Variants in LRIG1 observed in about 807,000 individuals in gnomAD.
LRIG1 encodes leucine rich repeats and immunoglobulin like domains 1.
In LRIG1, 48 loss-of-function variants were observed where a neutral mutation model predicts 99.2. The observed-to-expected ratio is 0.48, with a 90% confidence interval of 0.38 to 0.62. The LOEUF is 0.62. Ranked by LOEUF, LRIG1 falls within the 20% of genes least tolerant of loss-of-function variation. The pLI is 0.00. For missense variants in LRIG1, 1,646 were observed against 1,434.4 expected, an observed-to-expected ratio of 1.15 and a Z score of -2.38; for synonymous variants, 772 against 596.1, an observed-to-expected ratio of 1.29 and a Z score of -4.30.
chr3:66,395,884 G>A (rs577505825), intron 11 of LRIG1, among the ~76,000 whole-genome samples: 24 of 152,366 alleles, frequency 1.6e-4, no homozygotes, highest in African/African-American at 3.6e-4. Context: ...GGGCACTTCC[G>A]TGCAGTCAGG....
chr3:66,440,679 G>A (rs1486522105), intron 3 of LRIG1, among the ~76,000 whole-genome samples: 1 of 152,150 alleles, frequency 6.6e-6, no homozygotes, highest in African/African-American at 2.4e-5. Flanking sequence ...CCCCAAAGGT[G>A]CTCAGTACAA....
intron 8 of LRIG1, chr3:66,406,019 A>G (rs1178091356): frequency 1.0e-6 from 1 of 988,716 alleles, no homozygotes; most frequent in Non-Finnish European, 1.2e-6. Flanking sequence ...GCCCTCTCCA[A>G]CTTTCCACAA....
chr3:66,500,399 C>T lies in LRIG1; in HGVS notation c.9G>A (p.Arg3=). The change falls in exon 1 of 19, where the codon CGG becomes CGA. Residue 3 remains arginine (R), a synonymous_variant. Coordinates refer to ENST00000273261, the MANE Select transcript of LRIG1 (RefSeq NM_015541.3). ...GGGCCCCGAGCCCTCCCCGGACCGG[C>T]CGCGCCATCTTGTCTGGAGCGCGCT... MA[R]PVRGGLGAPR... is the part of the protein sequence containing the mutation. 2 of 1,421,460 alleles carry T rather than the reference C, an allele frequency of 1.4e-6. No homozygotes were observed. The highest frequency in any genetic ancestry group is 9.1e-7 in the Non-Finnish European group (1 of 1,095,646). 88.1% of individuals were successfully genotyped at this position (1,421,460 alleles called of 1,614,324 possible).
chr3:66,481,868 T>C (rs557381234), intron 1 of LRIG1, among the ~76,000 whole-genome samples: 2 of 152,380 alleles, frequency 1.3e-5, no homozygotes, highest in South Asian at 2.1e-4. Flanking sequence ...CATGTTTACT[T>C]TGCTGAAAGC....
At chr3:66,382,189 G>A in intron 16 of LRIG1, 84 bp downstream of exon 16, 5 of 1,526,990 alleles carry the variant, frequency 3.3e-6, no homozygotes, top group South Asian at 1.1e-5. Flanking sequence ...CCAGGTACCT[G>A]CCCTGTAAAG....
chr3:66,434,446 TAA>T (rs1301329417), intron 3 of LRIG1, among the ~76,000 whole-genome samples: 2 of 152,150 alleles, frequency 1.3e-5, no homozygotes, highest in African/African-American at 4.8e-5. Context: ...TGGCTGAAAT[TAA>T]AAAAATACAA....
rs1288322316 is a variant in LRIG1 at position 66,383,260 on chromosome 3, C to T, written c.2213G>A (p.Arg738Gln). 18 of 1,614,016 alleles carry T rather than the reference C, an allele frequency of 1.1e-5. No homozygotes were observed. Among genetic ancestry groups the T allele is most frequent in the Middle Eastern group, 3.3e-4 (2 of 6,084 alleles). ...KGDRPLSLTE[R>Q]HHLTPDNQLL... is the part of the protein sequence containing the mutation. Reference sequence around the variant, plus strand: ...CTGGTTGTCAGGGGTCAAGTGGTGCCGCTCAGTGAGGCTCAGCGGGCGGTC... The same window carrying T: ...CTGGTTGTCAGGGGTCAAGTGGTGCTGCTCAGTGAGGCTCAGCGGGCGGTC... Residue 738 changes from arginine (R) to glutamine (Q), a missense_variant, in exon 15 of 19, where the codon CGG becomes CAG. Physicochemically the swap from Arg to Gln is conservative, Grantham distance 43. Transcript: ENST00000273261.
At chr3:66,413,058 A>T (rs1486988348) in intron 5 of LRIG1, 44 bp from the exon 6 acceptor site, 11 of 1,609,036 alleles carry the variant, frequency 6.8e-6, no homozygotes, top group Non-Finnish European at 8.5e-6. Flanking sequence ...TTATGTGCAT[A>T]TCCCACCCAC....
Position 66,380,264 on chromosome 3 carries a change from T to G in LRIG1, c.3281A>C (p.Ter1094SerextTer34). Reference protein sequence around the residue: ...RVPLLLAPKS* With the variant: ...RVPLLLAPKSS ...GACAAGAACTGAGGTAGACAAAACCTAGCTTTTTGGTGCCAACAGCAGTGG... is the reference window on the plus strand; with the variant it reads ...GACAAGAACTGAGGTAGACAAAACCGAGCTTTTTGGTGCCAACAGCAGTGG... The change falls in exon 19 of 19, where the codon TAG becomes TCG. Residue 1094 changes from the stop codon to serine (S), a stop_lost. Transcript: ENST00000273261. 6.2e-7 allele frequency: 1 copy of G among 1,609,992 alleles called. No homozygotes were observed. Among genetic ancestry groups the G allele is most frequent in the Non-Finnish European group, 8.5e-7 (1 of 1,177,386 alleles).
At chr3:66,452,433 A>C (rs147806447) in intron 2 of LRIG1, among the ~76,000 whole-genome samples, 298 of 152,348 alleles carry the variant, frequency 2.0e-3, no homozygotes, top group Non-Finnish European at 3.6e-3. Context: ...GTATTTCCAA[A>C]TCTGGGAAGA....
chr3:66,381,745 A>T (rs1014151528), intron 16 of LRIG1, 114 bp from the exon 17 acceptor site: 2 of 1,186,474 alleles, frequency 1.7e-6, no homozygotes, highest in Non-Finnish European at 2.4e-6. Flanking sequence ...AAAGTTCTTC[A>T]GAGCGGTGGG....
At chr3:66,443,088 G>A (rs1278796455) in intron 3 of LRIG1, among the ~76,000 whole-genome samples, 1 of 152,110 alleles carries the variant, frequency 6.6e-6, no homozygotes, top group Admixed American at 6.5e-5. Context: ...CTTAGACTGG[G>A]GGCAAGTGGC....
chr3:66,407,391 T>C lies in LRIG1; in HGVS notation c.1036A>G (p.Ile346Val), dbSNP rs1026885419. ...LRLSHNSISH[I>V]AEGAFKGLRS... ...AGTCCCTTGAAGGCACCCTCCGCAA[T>C]GTGGCTGATGGAATTGTGGCTGAGA... The change falls in exon 8 of 19, where the codon ATT (isoleucine) becomes GTT (valine). Residue 346 changes from isoleucine (I) to valine (V), a missense_variant. Ile to Val is a conservative substitution (Grantham distance 29). Transcript: ENST00000273261. The C allele has an allele frequency of 6.2e-7, 1 of 1,614,088 alleles. No individual in the cohort carries two copies. Among genetic ancestry groups the C allele is most frequent in the East Asian group, 2.2e-5 (1 of 44,862 alleles).
chr3:66,405,667 C>T (rs1702241254), intron 8 of LRIG1: 1 of 1,041,746 alleles, frequency 9.6e-7, no homozygotes, highest in South Asian at 2.4e-5. Flanking sequence ...AACCAGAGTC[C>T]CTTTTCTGGA....
chr3:66,405,824 G>A, intron 8 of LRIG1: 2 of 1,151,472 alleles, frequency 1.7e-6, no homozygotes, highest in South Asian at 1.8e-5. Context: ...GAGCCAGGGA[G>A]GACATCTGGG....
intron 16 of LRIG1, 113 bp from the exon 17 acceptor site, chr3:66,381,744 C>T (rs895622075): frequency 1.7e-6 from 2 of 1,205,174 alleles, no homozygotes; most frequent in Non-Finnish European, 1.2e-6. Flanking sequence ...AAAAGTTCTT[C>T]AGAGCGGTGG....
intron 3 of LRIG1, among the ~76,000 whole-genome samples, chr3:66,427,970 TC>T (rs1703036461): frequency 6.6e-6 from 1 of 152,244 alleles, no homozygotes; most frequent in Non-Finnish European, 1.5e-5. Context: ...AGTAGTTAAT[TC>T]TTTTCTATCA....
intron 2 of LRIG1, among the ~76,000 whole-genome samples, chr3:66,452,840 T>C (rs941440504): frequency 2.0e-5 from 3 of 152,226 alleles, no homozygotes; most frequent in Non-Finnish European, 2.9e-5. Flanking sequence ...TACTGGGCTG[T>C]GGGACATAGA....
At chr3:66,475,588 A>G (rs1179428180) in intron 1 of LRIG1, among the ~76,000 whole-genome samples, 1 of 152,208 alleles carries the variant, frequency 6.6e-6, no homozygotes, top group Non-Finnish European at 1.5e-5. Flanking sequence ...CACAAACATG[A>G]CTCTGCGAAA....
Sources: allele counts gnomAD v4.1 joint callset (sites outside exome capture counted in the v4.1 genomes callset), GRCh38; gene constraint gnomAD v4.1.1; transcripts MANE v1.5; gene names NCBI Gene and HGNC (gene_info 2026-07-23, HGNC 2026-07-21).